CACNA1C: variants seen among roughly 807,000 people sequenced by gnomAD.
The protein encoded by CACNA1C is voltage-dependent L-type calcium channel subunit alpha-1C.
CACNA1C carries 30 observed loss-of-function variants against 229.0 expected under a neutral mutation model. That is an observed-to-expected ratio of 0.13 (90% CI 0.10 to 0.18). The LOEUF is 0.18. Ranked by LOEUF, CACNA1C falls within the 10% of genes least tolerant of loss-of-function variation. CACNA1C has a pLI of 1.00. For missense variants in CACNA1C, 1,658 were observed against 2,845.0 expected (o/e 0.58, Z 9.49); for synonymous variants, 1,114 against 1,132.5 (o/e 0.98, Z 0.33).
intron 1 of CACNA1C, chr12:1,991,457 G>T: frequency 4.5e-6 from 1 of 220,572 alleles, no homozygotes; most frequent in Non-Finnish European, 9.3e-6. Context: ...AGAAGCAAGT[G>T]AAATTAATAA....
At chr12:2,097,835 C>T (rs1359882020) in intron 1 of CACNA1C, among the ~76,000 whole-genome samples, 1 of 152,214 alleles carries the variant, frequency 6.6e-6, no homozygotes, top group Non-Finnish European at 1.5e-5. Flanking sequence ...CCTGGTTCAG[C>T]CCCTGCTTTG....
At chr12:2,499,317 G>A (rs1004207) in intron 7 of CACNA1C, among the ~76,000 whole-genome samples, 14,798 of 152,076 alleles carry the variant, frequency 0.097, 1,206 homozygotes, top group African/African-American at 0.22. Flanking sequence ...CCTGCCTTTC[G>A]ATGGCAGGTG....
At chr12:2,534,541 AT>A (rs959411653) in intron 9 of CACNA1C, among the ~76,000 whole-genome samples, 2 of 151,910 alleles carry the variant, frequency 1.3e-5, no homozygotes, top group Admixed American at 1.3e-4. Flanking sequence ...GTAGAGCTTA[AT>A]TTTTTTTTCC....
chr12:2,215,783 G>A lies in CACNA1C; in HGVS notation c.477+95353G>A, dbSNP rs535389049. On this transcript the variant is annotated intron_variant, in intron 3 of 46. Transcript: ENST00000399655. This position sits in a 1 kb window ranked among gnomAD's most constrained non-coding sequence, Gnocchi z 5.0. ...GGGCTCTTTGCAAAGAGGCAGAAGAGCCCCAAGGTGAGTTGAAGGGCCCTG... is the reference window on the plus strand; with the variant it reads ...GGGCTCTTTGCAAAGAGGCAGAAGAACCCCAAGGTGAGTTGAAGGGCCCTG... Among the ~76,000 whole-genome samples, 36 of 152,324 alleles carry A rather than the reference G, an allele frequency of 2.4e-4. No individual in the cohort carries two copies. Among genetic ancestry groups the A allele is most frequent in the African/African-American group, 8.7e-4 (36 of 41,572 alleles).
rs1036064432 is a variant in CACNA1C at position 2,319,951 on chromosome 12, T to C, written c.478-129025T>C. Among the ~76,000 whole-genome samples, 1 of 152,206 alleles carries C rather than the reference T, an allele frequency of 6.6e-6. No homozygotes were observed. Among genetic ancestry groups the C allele is most frequent in the Non-Finnish European group, 1.5e-5 (1 of 68,014 alleles). ...GAAGCCCCATGAGCTATTCTGGTCC[T>C]GACACCGGCTCCCACCCTTTAAAGC... is the stretch of plus-strand genomic sequence containing the variant. On this transcript the variant is annotated intron_variant, in intron 3 of 46. Coordinates refer to ENST00000399655, the MANE Select transcript of CACNA1C (RefSeq NM_000719.7). This position sits in a 1 kb window ranked among gnomAD's most constrained non-coding sequence, Gnocchi z 4.0.
intron 1 of CACNA1C, among the ~76,000 whole-genome samples, chr12:2,012,615 T>G (rs949786441): frequency 6.6e-6 from 1 of 152,236 alleles, no homozygotes; most frequent in African/African-American, 2.4e-5. Flanking sequence ...CACAATAGAT[T>G]GGAAGCCCAG....
At chr12:2,126,195 CT>C (rs2089980435) in intron 3 of CACNA1C, among the ~76,000 whole-genome samples, 1 of 152,160 alleles carries the variant, frequency 6.6e-6, no homozygotes, top group South Asian at 2.1e-4. Flanking sequence ...CTAACATACA[CT>C]TTTGCACCAA....
At chr12:2,321,136 G>A (rs951772955) in intron 3 of CACNA1C, among the ~76,000 whole-genome samples, 1 of 152,188 alleles carries the variant, frequency 6.6e-6, no homozygotes, top group African/African-American at 2.4e-5. Context: ...AGCTCAGGCA[G>A]CCAGTGTCAC....
chr12:2,584,372 C>T, intron 15 of CACNA1C, 131 bp from the exon 16 acceptor site: 3 of 644,020 alleles, frequency 4.7e-6, no homozygotes, highest in Non-Finnish European at 8.5e-6. Context: ...GGTCTGACTC[C>T]CTCAAATTGC....
chr12:2,486,366 G>T lies in CACNA1C; in HGVS notation c.916+104G>T, dbSNP rs781467898. Reference sequence around the variant, plus strand: ...AACATGACCAGCAGAGCCCAGGGAAGGCCCCATTCATTCAGACACACACTG... The same window carrying T: ...AACATGACCAGCAGAGCCCAGGGAATGCCCCATTCATTCAGACACACACTG... On this transcript the variant is annotated intron_variant, in intron 6 of 46. Coordinates refer to ENST00000399655, the MANE Select transcript of CACNA1C (RefSeq NM_000719.7). The surrounding 1 kb of genome is among the most constrained non-coding windows in gnomAD (Gnocchi z 4.9). 2.2e-6 allele frequency: 2 copies of T among 919,466 alleles called. No individual in the cohort carries two copies. Among genetic ancestry groups the T allele is most frequent in the Non-Finnish European group, 3.2e-6 (2 of 619,854 alleles). 57.0% of individuals were successfully genotyped at this position (919,466 alleles called of 1,614,324 possible). A position where few individuals can be genotyped will look rare whatever the true frequency, so the allele number is the denominator to read the frequency against.
chr12:2,486,031 G>A lies in CACNA1C; in HGVS notation c.758-73G>A, dbSNP rs80206264. ...CAGTTCCTTCCTTGCAGAGTTGCTG[G>A]AAGATTGCATGAGATGGCGTCAGCA... On this transcript the variant is annotated intron_variant, in intron 5 of 46. Coordinates refer to ENST00000399655, the MANE Select transcript of CACNA1C (RefSeq NM_000719.7). The surrounding 1 kb of genome is among the most constrained non-coding windows in gnomAD (Gnocchi z 4.9). The A allele has an allele frequency of 7.9e-7, 1 of 1,272,366 alleles. No homozygotes were observed. The highest frequency in any genetic ancestry group is 1.5e-5 in the African/African-American group (1 of 66,954). 78.8% of individuals were successfully genotyped at this position (1,272,366 alleles called of 1,614,324 possible). A position where few individuals can be genotyped will look rare whatever the true frequency, so the allele number is the denominator to read the frequency against.
chr12:2,631,268 C>T (rs1207185122), intron 29 of CACNA1C, among the ~76,000 whole-genome samples: 1 of 152,156 alleles, frequency 6.6e-6, no homozygotes. Flanking sequence ...TCACACCTTC[C>T]TCTCTCTCCT....
At chr12:2,501,209 C>CAAAAAAAAAAAAAAAAA (rs59324696) in intron 7 of CACNA1C, among the ~76,000 whole-genome samples, 6 of 31,366 alleles carry the variant, frequency 1.9e-4, no homozygotes, top group Non-Finnish European at 3.1e-4. Flanking sequence ...GACTCCACCT[C>CAAAAAAAAAAAAAAAAA]AAAAAAAAAA....
chr12:2,399,074 G>A lies in CACNA1C; in HGVS notation c.478-49902G>A, dbSNP rs982402800. On this transcript the variant is annotated intron_variant, in intron 3 of 46. Transcript: ENST00000399655. ...TGAGACAGGGGTGGCTCCTTTGCTC[G>A]GCTGCTGCACTCTAACCCTTTGTGG... Among the ~76,000 whole-genome samples the A allele has an allele frequency of 2.6e-5, 4 of 152,224 alleles. No homozygotes were observed. In the East Asian group the frequency reaches 5.8e-4, roughly 22 times the overall value.
intron 3 of CACNA1C, among the ~76,000 whole-genome samples, chr12:2,148,387 C>T (rs998203957): frequency 1.3e-5 from 2 of 151,402 alleles, no homozygotes; most frequent in African/African-American, 4.8e-5. Context: ...ATGGAAATCC[C>T]TGCTGCTCAC....
At chr12:2,195,444 A>G (rs1018353304) in intron 3 of CACNA1C, among the ~76,000 whole-genome samples, 1 of 152,226 alleles carries the variant, frequency 6.6e-6, no homozygotes, top group Non-Finnish European at 1.5e-5. Flanking sequence ...GCAGGATTGA[A>G]TTGGATGCAC....
intron 11 of CACNA1C, among the ~76,000 whole-genome samples, chr12:2,558,943 A>G (rs1039916444): frequency 2.7e-5 from 4 of 146,618 alleles, no homozygotes; most frequent in Admixed American, 2.1e-4. Flanking sequence ...CAGAAATATT[A>G]AAAAAAAAAA....
At chr12:2,576,537 C>T (rs1296326933) in intron 13 of CACNA1C, among the ~76,000 whole-genome samples, 1 of 152,112 alleles carries the variant, frequency 6.6e-6, no homozygotes, top group African/African-American at 2.4e-5. Flanking sequence ...GTGTGTATCT[C>T]ATATTTTTGA....
chr12:2,192,019 C>T (rs2097249769), intron 3 of CACNA1C, among the ~76,000 whole-genome samples: 2 of 152,006 alleles, frequency 1.3e-5, no homozygotes, highest in South Asian at 2.1e-4. Context: ...TACGTTCACA[C>T]ATATACACGC....
Sources: gnomAD v4.1 joint callset for allele counts (sites outside exome capture counted in the v4.1 genomes callset) on GRCh38, gnomAD v4.1.1 for gene constraint, Gnocchi (gnomAD v3.1) non-coding constraint, MANE v1.5 for transcripts, NCBI Gene and HGNC (gene_info 2026-07-23, HGNC 2026-07-21) for gene names.